Variants in SDAD1 observed in about 807,000 individuals in gnomAD.
SDAD1 encodes protein SDA1 homolog.
A neutral mutation model predicts 100.3 loss-of-function variants in SDAD1; 79 were observed. That is an observed-to-expected ratio of 0.79 (90% CI 0.66 to 0.95). The LOEUF (loss-of-function observed/expected upper bound fraction) is 0.95, where lower values mean the gene tolerates loss of function less well. Ranked by LOEUF, SDAD1 falls within the 40% of genes least tolerant of loss-of-function variation. SDAD1 has a pLI of 0.00. For synonymous variants in SDAD1, 267 were observed against 271.4 expected (o/e 0.98, Z 0.16); for missense variants, 790 against 810.9 (o/e 0.97, Z 0.31).
At position 75,982,093 on chromosome 4, in the gene SDAD1, C is replaced by T. The variant is rs1349922682; in HGVS notation, c.91-56G>A. 8.0e-6 allele frequency: 8 copies of T among 1,004,700 alleles called. No individual in the cohort carries two copies. The Admixed American group carries it at 1.1e-4, about 14-fold the overall frequency. The allele number at this position is 1,004,700 out of a possible 1,614,324, so 62.2% of individuals were successfully genotyped here. ...ATTGTATTACATGACTTTCTCAGTA[C>T]AGACATTCAGTAGAGAAATTCTTAG... On this transcript the variant is annotated intron_variant, in intron 1 of 21. Coordinates refer to ENST00000356260, the MANE Select transcript of SDAD1 (RefSeq NM_018115.4).
rs757026190 is a variant in SDAD1 at position 75,957,362 on chromosome 4, G to A, written c.1817C>T (p.Pro606Leu). Reference protein sequence around the residue: ...LRDIERLHKKPKSDKETRLAT... With the variant: ...LRDIERLHKKLKSDKETRLAT... ...TAGTCTTGTCTCTTTGTCAGACTTT[G>A]GCTTTTTATGAAGGCGTTCAATGTC... Residue 606 changes from proline to leucine, a missense_variant, in exon 20 of 22, where the codon CCA becomes CTA. Pro to Leu is a moderately conservative substitution (Grantham distance 98, BLOSUM62 -3). Transcript: ENST00000356260. 3.1e-6 allele frequency: 5 copies of A among 1,614,098 alleles called. No individual in the cohort carries two copies. The South Asian group carries it at 5.5e-5, about 18-fold the overall frequency.
chr4:75,981,869 G>A, intron 2 of SDAD1, 64 bp downstream of exon 2: 1 of 1,133,598 alleles, frequency 8.8e-7, no homozygotes, highest in Non-Finnish European at 1.3e-6. Flanking sequence ...TTGAGTATTA[G>A]TGAAAAAACA....
chr4:75,974,041 A>C, intron 7 of SDAD1, 35 bp downstream of exon 7: 1 of 1,586,030 alleles, frequency 6.3e-7, no homozygotes, highest in Non-Finnish European at 8.7e-7. Flanking sequence ...GACCATCCAC[A>C]GACAGAGCTT....
intron 6 of SDAD1, among the ~76,000 whole-genome samples, chr4:75,974,812 C>T (rs554924831): frequency 4.6e-5 from 7 of 152,110 alleles, no homozygotes; most frequent in South Asian, 2.1e-4. Context: ...GAGGCCGAAG[C>T]GGGTGGATCA....
In SDAD1 at chr4:75,969,284, T is replaced by C. The variant is rs1281407525; in HGVS notation, c.987+12A>G. ...CAAATATTCACCAAGAGAAACATAATATAATTCAAACCTCATGAATTCCCA... is the reference window on the plus strand; with the variant it reads ...CAAATATTCACCAAGAGAAACATAACATAATTCAAACCTCATGAATTCCCA... On this transcript the variant is annotated intron_variant, in intron 11 of 21. Transcript: ENST00000356260. 1.3e-6 allele frequency: 2 copies of C among 1,590,962 alleles called. No homozygotes were observed. The highest frequency in any genetic ancestry group is 1.7e-6 in the Non-Finnish European group (2 of 1,160,506).
chr4:75,990,615 C>G, intron 1 of SDAD1, 137 bp downstream of exon 1: 2 of 1,583,932 alleles, frequency 1.3e-6, no homozygotes, highest in Non-Finnish European at 1.7e-6. Flanking sequence ...AACCCCTTCT[C>G]TCCTCTGGAG....
Position 75,957,716 on chromosome 4 carries a change from C to T in SDAD1, c.1579-8G>A, listed in dbSNP as rs771528917. On this transcript the variant is annotated splice_polypyrimidine_tract_variant and splice_region_variant and intron_variant, in intron 18 of 21. Coordinates refer to ENST00000356260, the MANE Select transcript of SDAD1 (RefSeq NM_018115.4). ...GCTGTTCAGCTTCTTGGACTTGAAA[C>T]CACACAAGGGCTTAAATGGCTACCA... is the stretch of plus-strand genomic sequence containing the variant. The T allele has an allele frequency of 6.2e-7, 1 of 1,614,114 alleles. No individual in the cohort carries two copies. The highest frequency in any genetic ancestry group is 8.5e-7 in the Non-Finnish European group (1 of 1,179,962).
At chr4:75,958,909 A>T (rs1729059635) in intron 17 of SDAD1, among the ~76,000 whole-genome samples, 1 of 151,570 alleles carries the variant, frequency 6.6e-6, no homozygotes, top group African/African-American at 2.4e-5. Flanking sequence ...CATCCTAGCT[A>T]AAACGGTGAA....
At chr4:75,990,712 C>T (rs372969793) in intron 1 of SDAD1, 40 bp downstream of exon 1, 165 of 1,612,514 alleles carry the variant, frequency 1.0e-4, no homozygotes, top group Non-Finnish European at 1.4e-4. Context: ...CTCAACCATC[C>T]ACTATCCGGC....
chr4:75,957,898 A>G lies in SDAD1; in HGVS notation c.1527T>C (p.Asp509=), dbSNP rs1256890846. ...AGTGTTGCACATCAATCCATTCACC[A>G]TCAGCATCCTCCTCCTCACTGAGAC... The part of the protein sequence containing the change: ...STSLSEEEDA[D]GEWIDVQHSS... The change falls in exon 18 of 22, where the codon GAT becomes GAC. Residue 509 remains aspartate (D), a synonymous_variant. Coordinates refer to ENST00000356260, the MANE Select transcript of SDAD1 (RefSeq NM_018115.4). The G allele has an allele frequency of 6.2e-7, 1 of 1,613,364 alleles. No homozygotes were observed. Among genetic ancestry groups the G allele is most frequent in the Admixed American group, 1.7e-5 (1 of 60,024 alleles).
Position 75,975,799 on chromosome 4 carries a change from T to C in SDAD1, c.523A>G (p.Thr175Ala), listed in dbSNP as rs1340932050. Residue 175 changes from threonine to alanine, a missense_variant, in exon 6 of 22, where the codon ACC becomes GCC. By Grantham distance (58) the Thr-to-Ala change is moderately conservative (BLOSUM62 0). Transcript: ENST00000356260. ...ACATCTAAAGACATCTTGGCTGCGG[T>C]TGCATTGCTATCTCTTAACATGGTG... Reference protein sequence around the residue: ...MYTMLRDSNATAAKMSLDVMI... With the variant: ...MYTMLRDSNAAAAKMSLDVMI... 1.2e-6 allele frequency: 2 copies of C among 1,614,054 alleles called. No individual in the cohort carries two copies. The highest frequency in any genetic ancestry group is 1.7e-5 in the Admixed American group (1 of 60,024).
intron 8 of SDAD1, among the ~76,000 whole-genome samples, chr4:75,972,734 G>T (rs1578134644): frequency 6.8e-6 from 1 of 147,210 alleles, no homozygotes; most frequent in South Asian, 2.1e-4. Context: ...AAAACATGCT[G>T]GTGATGGCCA....
In SDAD1 at chr4:75,971,462, AAG is replaced by A. The variant is rs779840850; in HGVS notation, c.712-6_712-5del. On this transcript the variant is annotated splice_polypyrimidine_tract_variant and splice_region_variant and intron_variant, in intron 8 of 21. Transcript: ENST00000356260. ...CTCTTGCTGTTGGTCCATCATCCTA[AAG>A]AAGAAATTACTTTGTAAAATTGTAA... 1 of 1,598,374 alleles carries A rather than the reference AAG, an allele frequency of 6.3e-7. No individual in the cohort carries two copies. The highest frequency in any genetic ancestry group is 8.6e-7 in the Non-Finnish European group (1 of 1,167,050).
At chr4:75,984,669 T>G (rs1175501255) in intron 1 of SDAD1, among the ~76,000 whole-genome samples, 2 of 152,078 alleles carry the variant, frequency 1.3e-5, no homozygotes, top group African/African-American at 4.8e-5. Flanking sequence ...TAATCAAATG[T>G]TGGAATTCAC....
Position 75,970,272 on chromosome 4 carries a change from A to G in SDAD1, c.883+37T>C, listed in dbSNP as rs1241584347. On this transcript the variant is annotated intron_variant, in intron 10 of 21. Transcript: ENST00000356260. ...GGCAGGAAATAAAATAGGCAGAGAT[A>G]AGGCCAACAAGGAACTCGGACGTCA... The G allele has an allele frequency of 6.5e-6, 10 of 1,543,338 alleles. No homozygotes were observed. In the East Asian group the frequency reaches 2.2e-4, roughly 35 times the overall value.
Position 75,965,955 on chromosome 4 carries a change from G to C in SDAD1, c.1046-133C>G, listed in dbSNP as rs547041662. 1.0e-5 allele frequency: 7 copies of C among 683,238 alleles called. No homozygotes were observed. In the South Asian group the frequency reaches 1.1e-4, roughly 11 times the overall value. 42.3% of individuals were successfully genotyped at this position (683,238 alleles called of 1,614,324 possible). On this transcript the variant is annotated intron_variant, in intron 12 of 21. Transcript: ENST00000356260. ...TTCCACCTGGAACACTCAATCCCCAGATATCTGCTTGGCTTACCCCCTCAC... is the reference window on the plus strand; with the variant it reads ...TTCCACCTGGAACACTCAATCCCCACATATCTGCTTGGCTTACCCCCTCAC...
chr4:75,977,650 CGCA>C lies in SDAD1; in HGVS notation c.398_400del (p.Leu133del), dbSNP rs753175830. ...AATATTTGTTTTGCCCTTTACCTTT[CGCA>C]GAAGTTTATCATGGCAACGAAAAAG... On this transcript the variant is annotated inframe_deletion, in exon 4 of 22. Coordinates refer to ENST00000356260, the MANE Select transcript of SDAD1 (RefSeq NM_018115.4). 6.9e-6 allele frequency: 11 copies of C among 1,595,944 alleles called. No homozygotes were observed. The highest frequency in any genetic ancestry group is 9.4e-6 in the Non-Finnish European group (11 of 1,164,928).
In SDAD1 at chr4:75,967,284, G is replaced by T. The variant is rs745625636; in HGVS notation, c.1038C>A (p.His346Gln). 6.2e-7 allele frequency: 1 copy of T among 1,614,122 alleles called. No homozygotes were observed. Among genetic ancestry groups the T allele is most frequent in the Non-Finnish European group, 8.5e-7 (1 of 1,179,982 alleles). The part of the protein sequence containing the change: ...YPFLQRFLQP[H>Q]QREVTKILLF... The stretch of plus-strand genomic sequence containing the variant: ...TGGCAAGTGGCAGCTTACCTCTTTG[G>T]TGGGGCTGCAGAAACCTTTGCAAAA... The change falls in exon 12 of 22, where the codon CAC (histidine) becomes CAA (glutamine). Residue 346 changes from histidine (H) to glutamine (Q), a missense_variant. Transcript: ENST00000356260.
At chr4:75,984,392 C>T (rs186781230) in intron 1 of SDAD1, among the ~76,000 whole-genome samples, 144 of 152,204 alleles carry the variant, frequency 9.5e-4, no homozygotes, top group Non-Finnish European at 9.6e-4. Context: ...GACTCAAACG[C>T]CTGGCCTCAA....
Sources: allele counts gnomAD v4.1 joint callset (sites outside exome capture counted in the v4.1 genomes callset), GRCh38; gene constraint gnomAD v4.1.1; transcripts MANE v1.5; gene names NCBI Gene and HGNC (gene_info 2026-07-23, HGNC 2026-07-21).